Variants in SMPD3 observed in about 807,000 individuals in gnomAD.
SMPD3 encodes the protein nSMase-2.
SMPD3 carries 21 observed loss-of-function variants against 55.7 expected under a neutral mutation model. The observed-to-expected ratio is 0.38, with a 90% CI of 0.27 to 0.54. SMPD3 has a LOEUF of 0.54. Among genes scored for constraint, SMPD3 ranks in the 20% least tolerant of loss-of-function variants. The probability of loss-of-function intolerance (pLI) is 0.80; values close to 1 mark genes in which losing one functional copy is unlikely to be tolerated. For missense variants in SMPD3, 842 were observed against 899.6 expected (o/e 0.94, Z 0.82); for synonymous variants, 457 against 404.3 (o/e 1.13, Z -1.56).
chr16:68,411,095 C>T (rs970907232), intron 1 of SMPD3, among the ~76,000 whole-genome samples: 5 of 152,256 alleles, frequency 3.3e-5, no homozygotes, highest in African/African-American at 1.2e-4. Context: ...CTGCACTCCT[C>T]TATGACCAGA....
At chr16:68,442,323 A>G (rs2090572893) in intron 1 of SMPD3, among the ~76,000 whole-genome samples, 1 of 152,212 alleles carries the variant, frequency 6.6e-6, no homozygotes, top group Non-Finnish European at 1.5e-5. Context: ...GATTATTAAT[A>G]TCCTTTCCAT....
Position 68,371,850 on chromosome 16 carries a change from A to G in SMPD3, c.332T>C (p.Leu111Pro). ...EDKGLAGGAA[L>P]LSEWKGTGPG... The stretch of plus-strand genomic sequence containing the variant: ...CCCCGTGCCCTTCCATTCACTGAGC[A>G]GGGCTGCCCCACCGGCCAGGCCCTT... The change falls in exon 3 of 9, where the codon CTG becomes CCG. Residue 111 changes from leucine to proline, a missense_variant. Around this residue, in one of 2 missense-constraint regions of SMPD3, gnomAD observed 193 missense variants for 256.0 expected, o/e 0.75. Coordinates refer to ENST00000219334, the MANE Select transcript of SMPD3 (RefSeq NM_018667.4). 1 of 1,606,070 alleles carries G rather than the reference A, an allele frequency of 6.2e-7. No homozygotes were observed. Among genetic ancestry groups the G allele is most frequent in the East Asian group, 2.2e-5 (1 of 44,580 alleles).
Position 68,379,870 on chromosome 16 carries a change from A to G in SMPD3, c.-207+6728T>C, listed in dbSNP as rs1266231881. Among the ~76,000 whole-genome samples the G allele has an allele frequency of 3.3e-5, 5 of 152,244 alleles. No homozygotes were observed. The East Asian group carries it at 9.6e-4, about 29-fold the overall frequency. On this transcript the variant is annotated intron_variant, in intron 2 of 8. Coordinates refer to ENST00000219334, the MANE Select transcript of SMPD3 (RefSeq NM_018667.4). ...TGGCGAAGTCAGAAAGCCCAGATGA[A>G]GCCAACTCGGGCGTGACTGGAAAGC... is the stretch of plus-strand genomic sequence containing the variant.
chr16:68,432,582 C>T (rs1480055038), intron 1 of SMPD3, among the ~76,000 whole-genome samples: 1 of 152,174 alleles, frequency 6.6e-6, no homozygotes, highest in African/African-American at 2.4e-5. Context: ...ACTTGTTTTA[C>T]TGGTAGATTA....
chr16:68,412,063 A>C (rs1269118421), intron 1 of SMPD3, among the ~76,000 whole-genome samples: 1 of 152,130 alleles, frequency 6.6e-6, no homozygotes, highest in Non-Finnish European at 1.5e-5. Context: ...GGGAAAGTGC[A>C]GTGCACGGGG....
intron 1 of SMPD3, among the ~76,000 whole-genome samples, chr16:68,436,555 A>G (rs370713663): frequency 2.6e-5 from 4 of 152,208 alleles, no homozygotes; most frequent in African/African-American, 9.7e-5. Flanking sequence ...TAGGCACACA[A>G]TGGATTTTGT....
At chr16:68,407,274 T>C (rs2090262116) in intron 1 of SMPD3, among the ~76,000 whole-genome samples, 1 of 152,192 alleles carries the variant, frequency 6.6e-6, no homozygotes. Flanking sequence ...ATTTATAACA[T>C]TCATGTCTGA....
At chr16:68,407,413 T>C (rs1345844594) in intron 1 of SMPD3, among the ~76,000 whole-genome samples, 1 of 152,270 alleles carries the variant, frequency 6.6e-6, no homozygotes, top group East Asian at 1.9e-4. Context: ...TTTTTTGTTT[T>C]ATGTAATTTA....
intron 5 of SMPD3, 163 bp downstream of exon 5, chr16:68,364,588 A>G: frequency 1.3e-6 from 1 of 795,620 alleles, no homozygotes; most frequent in Non-Finnish European, 1.9e-6. Context: ...TTCCTGTTCT[A>G]GGATTTCTAG....
rs1267534041 is a variant in SMPD3 at position 68,361,380 on chromosome 16, AT to A, written c.1867-74del. On this transcript the variant is annotated intron_variant, in intron 8 of 8. Coordinates refer to ENST00000219334, the MANE Select transcript of SMPD3 (RefSeq NM_018667.4). ...GCATCTTGCAGGGAGCGGCCTGGGG[AT>A]CCCCAAAGTGAGGCCCCGGGGCTGG... The A allele has an allele frequency of 4.7e-6, 7 of 1,498,488 alleles. No individual in the cohort carries two copies. The African/African-American group carries it at 9.7e-5, about 21-fold the overall frequency. The allele number at this position is 1,498,488 out of a possible 1,614,324, so 92.8% of individuals were successfully genotyped here.
At chr16:68,370,730 G>C in intron 3 of SMPD3, 129 bp downstream of exon 3, 1 of 1,244,324 alleles carries the variant, frequency 8.0e-7, no homozygotes, top group Non-Finnish European at 1.1e-6. Flanking sequence ...GAAAGACCGC[G>C]TCTGCCTCCC....
intron 1 of SMPD3, among the ~76,000 whole-genome samples, chr16:68,421,809 C>T (rs765515700): frequency 3.9e-5 from 6 of 152,168 alleles, no homozygotes; most frequent in Non-Finnish European, 5.9e-5. Context: ...GGTCCAGTGG[C>T]CTGCCTATTA....
chr16:68,363,094 C>T (rs1447378454), intron 7 of SMPD3, among the ~76,000 whole-genome samples: 1 of 152,134 alleles, frequency 6.6e-6, no homozygotes, highest in Non-Finnish European at 1.5e-5. Context: ...CTGTATTTGC[C>T]TGATTGGTGC....
chr16:68,364,761 G>A lies in SMPD3; in HGVS notation c.1545C>T (p.Asn515=). The change falls in exon 5 of 9, where the codon AAC becomes AAT. Residue 515 remains asparagine (N), a synonymous_variant. Coordinates refer to ENST00000219334, the MANE Select transcript of SMPD3 (RefSeq NM_018667.4). ...DVVCGDFNFD[N]CSSDDKLEQQ... ...GGAGCCCGGCCTCACCAGAGGAGCA[G>A]TTATCAAAGTTGAAATCTCCACAGA... 1 of 1,613,528 alleles carries A rather than the reference G, an allele frequency of 6.2e-7. No individual in the cohort carries two copies. The highest frequency in any genetic ancestry group is 8.5e-7 in the Non-Finnish European group (1 of 1,179,790).
In SMPD3 at chr16:68,371,185, C is replaced by A. The variant is rs1302477996; in HGVS notation, c.997G>T (p.Ala333Ser). The A allele has an allele frequency of 1.9e-6, 3 of 1,612,524 alleles. No homozygotes were observed. The highest frequency in any genetic ancestry group is 1.1e-5 in the South Asian group (1 of 91,032). The stretch of plus-strand genomic sequence containing the variant: ...GGGTGCCGCCTCCTGCGTGCAGCCG[C>A]CTTCTTCACCACCGAGGCCTTGTAC... The part of the protein sequence containing the change: ...LLYKASVVKK[A>S]AARRRRHPDE... The change falls in exon 3 of 9, where the codon GCG (alanine) becomes TCG (serine). Residue 333 changes from alanine (A) to serine (S), a missense_variant. By Grantham distance (99) the Ala-to-Ser change is moderately conservative. This residue lies in a region of SMPD3 where 649 missense variants were observed against 643.6 expected (regional missense o/e 1.01). Transcript: ENST00000219334.
At chr16:68,398,506 T>C (rs983831004) in intron 1 of SMPD3, among the ~76,000 whole-genome samples, 14 of 152,292 alleles carry the variant, frequency 9.2e-5, no homozygotes, top group African/African-American at 3.4e-4. Context: ...TCCAGGCTGA[T>C]GTGGCCAACC....
intron 1 of SMPD3, among the ~76,000 whole-genome samples, chr16:68,438,112 T>A (rs1460586371): frequency 6.6e-6 from 1 of 152,140 alleles, no homozygotes; most frequent in Non-Finnish European, 1.5e-5. Flanking sequence ...CAAAGGATAC[T>A]ATTGCCTGCC....
rs1409801400 is a variant in SMPD3, at chr16:68,363,875, G to A, written c.1556-9C>T. On this transcript the variant is annotated splice_polypyrimidine_tract_variant and intron_variant, in intron 5 of 8. Coordinates refer to ENST00000219334, the MANE Select transcript of SMPD3 (RefSeq NM_018667.4). ...CTGCTCCAGCTTGTCGTCTGTGCGG[G>A]GAGGGAGGAAACGCTGAGGCACCAG... 2 of 1,555,182 alleles carry A rather than the reference G, an allele frequency of 1.3e-6. No individual in the cohort carries two copies. The highest frequency in any genetic ancestry group is 1.7e-4 in the Middle Eastern group (1 of 6,012).
At chr16:68,441,597 T>C (rs935421922) in intron 1 of SMPD3, among the ~76,000 whole-genome samples, 8 of 152,118 alleles carry the variant, frequency 5.3e-5, no homozygotes, top group Non-Finnish European at 7.3e-5. Context: ...TTTTTTATAC[T>C]AATTTTTCAA....
Sources: allele counts gnomAD v4.1 joint callset (sites outside exome capture counted in the v4.1 genomes callset), GRCh38; gene constraint gnomAD v4.1.1; regional missense constraint gnomAD v4.1.1; transcripts MANE v1.5; gene names NCBI Gene and HGNC (gene_info 2026-07-23, HGNC 2026-07-21).